Variants in PURG observed in about 807,000 individuals in gnomAD.
The protein encoded by PURG is purine rich element binding protein G.
In PURG, 3 loss-of-function variants were observed where a neutral mutation model predicts 24.3. That is an observed-to-expected ratio of 0.12 (90% confidence interval 0.06 to 0.32). The LOEUF (loss-of-function observed/expected upper bound fraction) is 0.32. Ranked by LOEUF, PURG falls within the 10% of genes least tolerant of loss-of-function variation. The pLI is 1.00. For missense variants in PURG, 371 were observed against 439.1 expected (o/e 0.84, Z 1.39); for synonymous variants, 180 against 173.1 (o/e 1.04, Z -0.31).
chr8:31,032,356 C>T lies in PURG; in HGVS notation c.427G>A (p.Glu143Lys), dbSNP rs7464560. The T allele has an allele frequency of 6.2e-7, 1 of 1,613,232 alleles. No individual in the cohort carries two copies. The highest frequency in any genetic ancestry group is 8.5e-7 in the Non-Finnish European group (1 of 1,180,028). ...GHRQEHGHSK[E>K]QGSRRRQKHS... is the part of the protein sequence containing the mutation. ...TTCTGCCTCCTTCTGGAGCCTTGCT[C>T]TTTGCTGTGGCCATGCTCTTGCCGG... is the stretch of plus-strand genomic sequence containing the variant. Residue 143 changes from glutamate (E) to lysine (K), a missense_variant, in exon 2 of 2, where the codon GAG (glutamate) becomes AAG (lysine). Glu to Lys is a moderately conservative substitution (Grantham distance 56). Transcript: ENST00000523392. The surrounding 1 kb of genome is among the most constrained non-coding windows in gnomAD (Gnocchi z 5.9).
intron 1 of PURG, among the ~76,000 whole-genome samples, chr8:31,020,008 C>T (rs1810963534): frequency 6.6e-6 from 1 of 151,660 alleles, no homozygotes; most frequent in Non-Finnish European, 1.5e-5. Flanking sequence ...CTGTTTCTAC[C>T]AAGAATACAA....
chr8:31,019,216 A>G (rs1810941535), intron 1 of PURG, among the ~76,000 whole-genome samples: 1 of 134,384 alleles, frequency 7.4e-6, no homozygotes, highest in African/African-American at 2.8e-5. Context: ...TGATCAACAT[A>G]TTAATTATAG....
chr8:31,026,994 C>T (rs1439944467), downstream of PURG, among the ~76,000 whole-genome samples: 1 of 151,602 alleles, frequency 6.6e-6, no homozygotes, highest in Admixed American at 6.6e-5. Flanking sequence ...CCAATTTTCA[C>T]ATGATATTAA....
intron 1 of PURG, among the ~76,000 whole-genome samples, chr8:31,003,545 T>C (rs1424457861): frequency 6.6e-6 from 1 of 152,124 alleles, no homozygotes; most frequent in African/African-American, 2.4e-5. Context: ...GCAGATCACT[T>C]GACATCAGGA....
intron 1 of PURG, among the ~76,000 whole-genome samples, chr8:31,003,912 A>C (rs992362209): frequency 1.2e-4 from 19 of 152,220 alleles, no homozygotes; most frequent in African/African-American, 4.6e-4. Flanking sequence ...AGATGGTAAG[A>C]ATAGGGGTGG....
chr8:31,021,311 G>T (rs1224576114), intron 1 of PURG, among the ~76,000 whole-genome samples: 1 of 152,100 alleles, frequency 6.6e-6, no homozygotes, highest in Non-Finnish European at 1.5e-5. Context: ...ATAGTAATTT[G>T]TCTCCTCTCT....
At position 31,032,007 on chromosome 8, in the gene PURG, A is replaced by G. The variant is rs954660855; in HGVS notation, c.776T>C (p.Leu259Pro). The G allele has an allele frequency of 6.2e-7, 1 of 1,613,980 alleles. No individual in the cohort carries two copies. The highest frequency in any genetic ancestry group is 1.3e-5 in the African/African-American group (1 of 74,880). ...EERRGGDDDP[L>P]ELPEGTSFRV... ...GAAAGAAGTCCCCTCTGGGAGTTCAAGCGGGTCATCGTCTCCACCTCTTCG... is the reference window on the plus strand; with the variant it reads ...GAAAGAAGTCCCCTCTGGGAGTTCAGGCGGGTCATCGTCTCCACCTCTTCG... The change falls in exon 2 of 2, where the codon CTT becomes CCT. Residue 259 changes from leucine (L) to proline (P), a missense_variant. Physicochemically the swap from Leu to Pro is moderately conservative, Grantham distance 98. This residue lies in a region of PURG where 103 missense variants were observed against 127.7 expected (regional missense o/e 0.81). Coordinates refer to ENST00000523392, the MANE Select transcript of PURG (RefSeq NM_001323311.2). This position sits in a 1 kb window ranked among gnomAD's most constrained non-coding sequence, Gnocchi z 5.9.
chr8:31,005,717 G>C (rs1369432513), intron 1 of PURG, among the ~76,000 whole-genome samples: 4 of 150,738 alleles, frequency 2.7e-5, no homozygotes, highest in Non-Finnish European at 5.9e-5. Context: ...GCATTGTAAT[G>C]AAACACGACA....
chr8:31,005,776 T>TC (rs1554511676), intron 1 of PURG, among the ~76,000 whole-genome samples: 5 of 135,542 alleles, frequency 3.7e-5, no homozygotes, highest in African/African-American at 7.5e-5. Context: ...TTTTTCTTTT[T>TC]TTTTTTTTTC....
chr8:31,030,053 T>C (rs1344431653), downstream of PURG, among the ~76,000 whole-genome samples: 1 of 151,980 alleles, frequency 6.6e-6, no homozygotes, highest in Non-Finnish European at 1.5e-5. Context: ...GGGTTACTGA[T>C]TGCTTGTTCT....
At chr8:31,011,050 T>C (rs185974047) in intron 1 of PURG, among the ~76,000 whole-genome samples, 86 of 152,356 alleles carry the variant, frequency 5.6e-4, no homozygotes, top group Admixed American at 6.5e-4. Context: ...TCTCATTTGG[T>C]TGGCTAAGAC....
At chr8:31,019,141 AAAAAAAAAAAAAAAAAAAAATATATAT>A (rs1810934041) in intron 1 of PURG, among the ~76,000 whole-genome samples, 1 of 40,956 alleles carries the variant, frequency 2.4e-5, no homozygotes, top group Non-Finnish European at 5.5e-5. Context: ...AAAAAAAAAA[AAAAAAAAAAAAAAAAAAAAATATATAT>A]ATATATATAT....
At chr8:31,024,834 T>C (rs1325283103) in intron 1 of PURG, among the ~76,000 whole-genome samples, 1 of 152,070 alleles carries the variant, frequency 6.6e-6, no homozygotes, top group East Asian at 1.9e-4. Context: ...TTCCCCAGTC[T>C]TACACTTTGA....
At chr8:31,015,205 G>A (rs1181243713) in intron 1 of PURG, among the ~76,000 whole-genome samples, 1 of 152,178 alleles carries the variant, frequency 6.6e-6, no homozygotes, top group Non-Finnish European at 1.5e-5. Flanking sequence ...TAGCTTTTCA[G>A]TTTTGCAGGA....
intron 1 of PURG, among the ~76,000 whole-genome samples, chr8:31,020,200 C>T (rs150008576): frequency 7.4e-4 from 112 of 152,158 alleles, no homozygotes; most frequent in Middle Eastern, 3.4e-3. Flanking sequence ...GGTAAAAATG[C>T]GATATGCTTT....
At chr8:31,013,702 A>G (rs1810805010) in intron 1 of PURG, among the ~76,000 whole-genome samples, 1 of 152,218 alleles carries the variant, frequency 6.6e-6, no homozygotes, top group African/African-American at 2.4e-5. Context: ...GCGCCACTGC[A>G]CTCCAGCCTG....
chr8:31,019,941 C>T (rs902571334), intron 1 of PURG, among the ~76,000 whole-genome samples: 8 of 150,294 alleles, frequency 5.3e-5, no homozygotes, highest in Admixed American at 1.3e-4. Context: ...GAGGCCAAGG[C>T]GGGTGGATCA....
rs183248457 is a variant in PURG, at chr8:31,030,995, A to T, written c.*744T>A. On this transcript the variant is annotated 3_prime_UTR_variant, in exon 2 of 2. Transcript: ENST00000523392. The stretch of plus-strand genomic sequence containing the variant: ...ATAAAAGTAATTCCTGAAACTTTGG[A>T]AAGTCAATAAAAATATATGGAACAT... The T allele has an allele frequency of 4.3e-4, 65 of 152,684 alleles. No homozygotes were observed. The East Asian group carries it at 7.1e-3, about 17-fold the overall frequency. 9.5% of individuals were successfully genotyped at this position (152,684 alleles called of 1,614,324 possible). A position where few individuals can be genotyped will look rare whatever the true frequency, so the allele number is the denominator to read the frequency against.
At chr8:31,005,358 G>A (rs144929533) in intron 1 of PURG, among the ~76,000 whole-genome samples, 150 of 152,020 alleles carry the variant, frequency 9.9e-4, no homozygotes, top group African/African-American at 3.4e-3. Context: ...GCTTAAAGCT[G>A]GGAGGTGGGG....
Sources: allele counts gnomAD v4.1 joint callset (sites outside exome capture counted in the v4.1 genomes callset), GRCh38; gene constraint gnomAD v4.1.1; regional missense constraint gnomAD v4.1.1; non-coding constraint Gnocchi (gnomAD v3.1); transcripts MANE v1.5; gene names NCBI Gene and HGNC (gene_info 2026-07-23, HGNC 2026-07-21).